The following EMID1 variants were observed in gnomAD, a reference collection of about 807,000 sequenced individuals.
The protein encoded by EMID1 is EMI domain-containing protein 1.
A neutral mutation model predicts 60.6 loss-of-function variants in EMID1; 40 were observed. The observed-to-expected ratio is 0.66, with a 90% CI of 0.51 to 0.86. EMID1 has a LOEUF of 0.86. EMID1 is among the 40% of genes least tolerant of loss of function. EMID1 has a pLI of 0.00. For synonymous variants in EMID1, 242 were observed against 231.0 expected, an observed-to-expected ratio of 1.05 and a Z score of -0.43; for missense variants, 585 against 597.1, an observed-to-expected ratio of 0.98 and a Z score of 0.21.
intron 13 of EMID1, among the ~76,000 whole-genome samples, chr22:29,249,112 T>G (rs917208151): frequency 1.3e-5 from 2 of 152,238 alleles, no homozygotes; most frequent in Non-Finnish European, 2.9e-5. Flanking sequence ...AATATGGACA[T>G]TCTCCCACAT....
At chr22:29,235,780 C>CTTTTTTTT (rs56085732) in intron 12 of EMID1, among the ~76,000 whole-genome samples, 9 of 73,880 alleles carry the variant, frequency 1.2e-4, no homozygotes, top group Admixed American at 1.8e-4. Context: ...AGAATTTAAG[C>CTTTTTTTT]TTTTTTTTTT....
chr22:29,236,796 CT>C (rs766501288), intron 12 of EMID1, among the ~76,000 whole-genome samples: 60 of 145,684 alleles, frequency 4.1e-4, no homozygotes, highest in Admixed American at 5.5e-4. Context: ...TCTTTTTTTT[CT>C]TTTTTTTTTT....
intron 12 of EMID1, among the ~76,000 whole-genome samples, chr22:29,235,724 T>G (rs1429526800): frequency 1.3e-5 from 2 of 150,898 alleles, no homozygotes; most frequent in African/African-American, 4.9e-5. Context: ...TGACTTAAAA[T>G]CTTCTCTTTC....
chr22:29,250,733 ATTTTTTTTT>A (rs748172215), intron 13 of EMID1, among the ~76,000 whole-genome samples: 14 of 22,484 alleles, frequency 6.2e-4, no homozygotes, highest in Middle Eastern at 0.045. Flanking sequence ...CACCCGGCTA[ATTTTTTTTT>A]TTTTTTTTTT....
intron 3 of EMID1, among the ~76,000 whole-genome samples, chr22:29,221,406 GCT>G (rs1340347307): frequency 6.6e-6 from 1 of 152,160 alleles, no homozygotes; most frequent in Non-Finnish European, 1.5e-5. Context: ...AAGGAGTCTT[GCT>G]CTGTCGCCCA....
chr22:29,226,435 C>T, intron 4 of EMID1, 55 bp from the exon 5 acceptor site: 2 of 1,586,128 alleles, frequency 1.3e-6, no homozygotes, highest in Non-Finnish European at 1.7e-6. Flanking sequence ...CTGAAGGGTT[C>T]TGAGGGGAAG....
chr22:29,217,634 C>T (rs751256709), intron 3 of EMID1, among the ~76,000 whole-genome samples: 16 of 152,188 alleles, frequency 1.1e-4, no homozygotes, highest in African/African-American at 3.6e-4. Flanking sequence ...TGTCCTCACC[C>T]GGGAAATGGG....
At chr22:29,220,758 T>A (rs2040262979) in intron 3 of EMID1, among the ~76,000 whole-genome samples, 1 of 152,030 alleles carries the variant, frequency 6.6e-6, no homozygotes, top group Admixed American at 6.5e-5. Context: ...AGCGGAAGCC[T>A]CTCCTCTCTG....
intron 1 of EMID1, among the ~76,000 whole-genome samples, chr22:29,208,001 A>G (rs2039739059): frequency 6.6e-6 from 1 of 152,148 alleles, no homozygotes; most frequent in Admixed American, 6.5e-5. Flanking sequence ...CTTCCTGGCC[A>G]TGGGTCTCAG....
At chr22:29,235,150 C>T (rs936616775) in intron 12 of EMID1, among the ~76,000 whole-genome samples, 2 of 152,084 alleles carry the variant, frequency 1.3e-5, no homozygotes, top group Admixed American at 6.6e-5. Flanking sequence ...AAGTTCAAGA[C>T]CAGCCTGGTC....
chr22:29,230,197 G>C (rs148215655), intron 5 of EMID1, among the ~76,000 whole-genome samples: 55 of 152,248 alleles, frequency 3.6e-4, no homozygotes, highest in Middle Eastern at 3.4e-3. Flanking sequence ...GCTAGGTGTG[G>C]TGGCGCATGA....
In EMID1 at chr22:29,225,173, C is replaced by A. The variant is rs2040455644; in HGVS notation, c.360C>A (p.Gly120=). The A allele has an allele frequency of 6.2e-7, 1 of 1,613,870 alleles. No homozygotes were observed. The highest frequency in any genetic ancestry group is 1.7e-5 in the Admixed American group (1 of 60,004). The part of the protein sequence containing the change: ...SSASLEPMWS[G]STMRRMALRP... ...CCTCCTTGGAGCCCATGTGGTCGGG[C>A]AGTACCATGCGGCGGATGGCGCTTC... The change falls in exon 4 of 15, where the codon GGC becomes GGA. Residue 120 remains glycine, a synonymous_variant. Transcript: ENST00000334018.
In EMID1 at chr22:29,215,059, A is replaced by G; in HGVS notation, c.215+20A>G. The G allele has an allele frequency of 6.6e-7, 1 of 1,516,746 alleles. No individual in the cohort carries two copies. The highest frequency in any genetic ancestry group is 8.9e-7 in the Non-Finnish European group (1 of 1,123,208). 94.0% of individuals were successfully genotyped at this position (1,516,746 alleles called of 1,614,324 possible). The stretch of plus-strand genomic sequence containing the variant: ...GAGCAGGTAAATGAGGTGGAGAAGG[A>G]ACTGATGGCATTCCAGGTGGAGGCA... On this transcript the variant is annotated intron_variant, in intron 2 of 14. Transcript: ENST00000334018.
At chr22:29,236,467 G>C (rs1468524681) in intron 12 of EMID1, among the ~76,000 whole-genome samples, 1 of 152,144 alleles carries the variant, frequency 6.6e-6, no homozygotes, top group African/African-American at 2.4e-5. Context: ...GAGGCAGGGG[G>C]ATCACCTGAG....
chr22:29,256,886 T>TC (rs1254626832), intron 14 of EMID1, among the ~76,000 whole-genome samples: 1 of 152,114 alleles, frequency 6.6e-6, no homozygotes, highest in Non-Finnish European at 1.5e-5. Flanking sequence ...CCAAAGCTCC[T>TC]CCCACAGTGC....
At chr22:29,225,244 C>G (rs1421671259) in intron 4 of EMID1, 28 bp downstream of exon 4, 1 of 1,610,876 alleles carries the variant, frequency 6.2e-7, no homozygotes, top group Non-Finnish European at 8.5e-7. Flanking sequence ...TTCTTGAGGT[C>G]CCCCTGGGCT....
At chr22:29,253,320 C>T (rs1462829938) in intron 13 of EMID1, among the ~76,000 whole-genome samples, 1 of 152,202 alleles carries the variant, frequency 6.6e-6, no homozygotes, top group Admixed American at 6.5e-5. Flanking sequence ...CGGTGGCTTA[C>T]GCCTGTAATC....
chr22:29,207,395 T>A (rs916115629), intron 1 of EMID1, among the ~76,000 whole-genome samples: 5 of 152,126 alleles, frequency 3.3e-5, no homozygotes, highest in African/African-American at 1.2e-4. Flanking sequence ...TTCTGTTTCA[T>A]AGAGGAGGAA....
intron 10 of EMID1, chr22:29,233,867 TGA>T: frequency 1.5e-6 from 1 of 678,148 alleles, no homozygotes; most frequent in Non-Finnish European, 2.5e-6. Flanking sequence ...ATCCAAGTAA[TGA>T]GAACCATGTG....
Sources: allele counts gnomAD v4.1 joint callset (sites outside exome capture counted in the v4.1 genomes callset), GRCh38; gene constraint gnomAD v4.1.1; transcripts MANE v1.5; gene names NCBI Gene and HGNC (gene_info 2026-07-23, HGNC 2026-07-21).